NREP: variants seen among roughly 807,000 people sequenced by gnomAD.
The protein encoded by NREP is neuronal regeneration related protein.
A neutral mutation model predicts 8.6 loss-of-function variants in NREP; 5 were observed. The observed-to-expected ratio is 0.58, with a 90% CI of 0.30 to 1.22. The LOEUF (loss-of-function observed/expected upper bound fraction) is 1.22. Among genes scored for constraint, NREP ranks in the 50% most tolerant of loss-of-function variants. The pLI is 0.07. For missense variants in NREP, 86 were observed against 82.5 expected, an observed-to-expected ratio of 1.04 and a Z score of -0.17; for synonymous variants, 27 against 28.0, an observed-to-expected ratio of 0.96 and a Z score of 0.11.
intron 2 of NREP, among the ~76,000 whole-genome samples, chr5:111,836,597 T>C (rs908930879): frequency 6.6e-5 from 10 of 152,018 alleles, no homozygotes; most frequent in Admixed American, 2.0e-4. Context: ...AGCATTAAAG[T>C]AGACATGTGA....
intron 2 of NREP, among the ~76,000 whole-genome samples, chr5:111,797,062 AAGATAGATAGATAGAT>A (rs58573941): frequency 2.4e-4 from 35 of 147,448 alleles, no homozygotes; most frequent in East Asian, 1.6e-3. Flanking sequence ...AGTGTCTACT[AAGATAGATAGATAGAT>A]AGATAGATAG....
At chr5:111,954,882 C>A (rs1177722777) in intron 2 of NREP, among the ~76,000 whole-genome samples, 1 of 152,096 alleles carries the variant, frequency 6.6e-6, no homozygotes, top group East Asian at 1.9e-4. Context: ...TGAAGATCAG[C>A]CTGAAAGGCA....
intron 2 of NREP, among the ~76,000 whole-genome samples, chr5:111,777,389 A>G (rs1404357526): frequency 6.6e-6 from 1 of 151,474 alleles, no homozygotes; most frequent in Non-Finnish European, 1.5e-5. Flanking sequence ...TTAAGTACGT[A>G]TTTATTATGA....
intron 2 of NREP, among the ~76,000 whole-genome samples, chr5:111,808,370 A>G (rs1752192333): frequency 6.6e-6 from 1 of 152,208 alleles, no homozygotes; most frequent in Admixed American, 6.5e-5. Context: ...GGTGTTTAAA[A>G]TCAAACCAAA....
chr5:111,832,743 T>A (rs1174010699), intron 2 of NREP, among the ~76,000 whole-genome samples: 1 of 152,216 alleles, frequency 6.6e-6, no homozygotes, highest in African/African-American at 2.4e-5. Context: ...CTGCTACGCT[T>A]TCCAGGCAAA....
rs149871277 is a variant in NREP, at chr5:111,950,625, G to A, written c.135+24649C>T. ...TGAACAGGCAACCTACAGAATGGGAGAAAAGTTTTGTAAGCTGCTCATCTG... is the reference window on the plus strand; with the variant it reads ...TGAACAGGCAACCTACAGAATGGGAAAAAAGTTTTGTAAGCTGCTCATCTG... On this transcript the variant is annotated intron_variant, in intron 2 of 3. Coordinates refer to the NREP transcript ENST00000395634. Among the ~76,000 whole-genome samples the A allele has an allele frequency of 5.8e-3, 874 of 150,878 alleles. 8 individuals carry two copies. Among genetic ancestry groups the A allele is most frequent in the African/African-American group, 0.02 (839 of 41,130 alleles).
At chr5:111,801,978 C>A (rs1382342148) in intron 2 of NREP, among the ~76,000 whole-genome samples, 1 of 152,136 alleles carries the variant, frequency 6.6e-6, no homozygotes, top group African/African-American at 2.4e-5. Flanking sequence ...CAGCTCTGAT[C>A]CCTGGTGGAG....
intron 2 of NREP, among the ~76,000 whole-genome samples, chr5:111,743,576 C>A (rs1160604224): frequency 6.6e-6 from 1 of 152,058 alleles, no homozygotes; most frequent in Admixed American, 6.6e-5. Flanking sequence ...AAAGAAAGAA[C>A]AAACTTGAAT....
At chr5:111,853,193 A>G (rs774455934) in intron 2 of NREP, among the ~76,000 whole-genome samples, 1 of 152,138 alleles carries the variant, frequency 6.6e-6, no homozygotes, top group African/African-American at 2.4e-5. Context: ...AGGCAAAACT[A>G]TATAGACAGT....
At chr5:111,866,906 A>T (rs533813271) in intron 2 of NREP, among the ~76,000 whole-genome samples, 1 of 152,008 alleles carries the variant, frequency 6.6e-6, no homozygotes, top group African/African-American at 2.4e-5. Flanking sequence ...CAAAAAACCA[A>T]ACACCGCATG....
At chr5:111,757,797 G>T, upstream of NREP, 1 of 970,204 alleles carries the variant, frequency 1.0e-6, no homozygotes, top group Non-Finnish European at 1.2e-6. Context: ...TCTCCGCCTC[G>T]ACGTGCGGTT....
At chr5:111,866,747 A>T (rs1326942666) in intron 2 of NREP, among the ~76,000 whole-genome samples, 1 of 152,120 alleles carries the variant, frequency 6.6e-6, no homozygotes, top group Non-Finnish European at 1.5e-5. Flanking sequence ...AACCAACCCA[A>T]ATGTCCAACA....
chr5:111,866,706 T>A (rs1411932634), intron 2 of NREP, among the ~76,000 whole-genome samples: 2 of 152,096 alleles, frequency 1.3e-5, no homozygotes, highest in Non-Finnish European at 2.9e-5. Flanking sequence ...GTATGTTTAT[T>A]GCGGCACTAT....
At position 111,748,515 on chromosome 5, in the gene NREP, T is replaced by A. The variant is rs116267288; in HGVS notation, c.3+7255A>T. Among the ~76,000 whole-genome samples, 1,003 of 152,252 alleles carry A rather than the reference T, an allele frequency of 6.6e-3. 16 individuals are homozygous for A. The highest frequency in any genetic ancestry group is 0.023 in the African/African-American group (950 of 41,524). Reference sequence around the variant, plus strand: ...AGACAGTTGTTGATCACTGAGGATGTGCCAGATCCTAGTTAGGTATGGGAG... The same window carrying A: ...AGACAGTTGTTGATCACTGAGGATGAGCCAGATCCTAGTTAGGTATGGGAG... On this transcript the variant is annotated intron_variant, in intron 2 of 3. Coordinates refer to ENST00000257435, the MANE Select transcript of NREP (RefSeq NM_004772.4).
chr5:111,825,945 T>C (rs7714291), intron 2 of NREP, among the ~76,000 whole-genome samples: 8,662 of 151,494 alleles, frequency 0.057, 578 homozygotes, highest in East Asian at 0.24. Context: ...TATAATCTTT[T>C]TGCTCGTTTG....
chr5:111,799,819 C>G (rs1406498171), intron 2 of NREP, among the ~76,000 whole-genome samples: 1 of 152,170 alleles, frequency 6.6e-6, no homozygotes, highest in Non-Finnish European at 1.5e-5. Context: ...AGCCAATAGT[C>G]CACTTGTCTG....
intron 2 of NREP, among the ~76,000 whole-genome samples, chr5:111,847,274 G>A (rs537181867): frequency 8.5e-5 from 13 of 152,242 alleles, no homozygotes; most frequent in African/African-American, 3.1e-4. Context: ...TCCTCTTCCT[G>A]TTATATCCTT....
intron 2 of NREP, among the ~76,000 whole-genome samples, chr5:111,768,619 T>G (rs1751141426): frequency 6.6e-6 from 1 of 152,220 alleles, no homozygotes; most frequent in Non-Finnish European, 1.5e-5. Context: ...GTGTCGTATT[T>G]GAATCTCTGT....
At chr5:111,828,791 A>G (rs1752692095) in intron 2 of NREP, among the ~76,000 whole-genome samples, 1 of 152,206 alleles carries the variant, frequency 6.6e-6, no homozygotes, top group South Asian at 2.1e-4. Context: ...TACATTCAAC[A>G]AATATTGAAT....
Sources: allele counts gnomAD v4.1 joint callset (sites outside exome capture counted in the v4.1 genomes callset), GRCh38; gene constraint gnomAD v4.1.1; transcripts MANE v1.5; gene names NCBI Gene and HGNC (gene_info 2026-07-23, HGNC 2026-07-21).